ANXA4: variants seen among roughly 807,000 people sequenced by gnomAD.
ANXA4 encodes annexin A4.
ANXA4 carries 39 observed loss-of-function variants against 49.8 expected under a neutral mutation model. That is an observed-to-expected ratio of 0.78 (90% CI 0.61 to 1.02). The LOEUF is 1.02. Among genes scored for constraint, ANXA4 ranks in the 50% least tolerant of loss-of-function variants. The pLI, the probability that ANXA4 is intolerant of heterozygous loss-of-function variation, is 0.00. For synonymous variants in ANXA4, 134 were observed against 152.5 expected, an observed-to-expected ratio of 0.88 and a Z score of 0.89; for missense variants, 360 against 410.1, an observed-to-expected ratio of 0.88 and a Z score of 1.05.
chr2:69,818,416 A>T (rs1674092940), intron 9 of ANXA4, 183 bp from the exon 10 acceptor site: 2 of 387,718 alleles, frequency 5.2e-6, no homozygotes. Context: ...CTTCCTCCTT[A>T]TCTGGGGCCC....
chr2:69,802,508 C>T (rs1219105274), intron 3 of ANXA4, among the ~76,000 whole-genome samples: 1 of 151,988 alleles, frequency 6.6e-6, no homozygotes, highest in Non-Finnish European at 1.5e-5. Context: ...GTCAAAAGAT[C>T]GAGACCATTC....
chr2:69,665,500 G>A lies in ANXA4; in HGVS notation n.766+12218G>A, dbSNP rs551558672. Among the ~76,000 whole-genome samples, 7 of 152,284 alleles carry A rather than the reference G, an allele frequency of 4.6e-5. No homozygotes were observed. In the South Asian group the frequency reaches 1.0e-3, roughly 23 times the overall value. On this transcript the variant is annotated intron_variant and non_coding_transcript_variant, in intron 2 of 3. Transcript: ENST00000418066. Reference sequence around the variant, plus strand: ...GATTGTTTCAATCATCTGCCTGGGCGACAGAGTGAGACTCCACCCCAGAAT... The same window carrying A: ...GATTGTTTCAATCATCTGCCTGGGCAACAGAGTGAGACTCCACCCCAGAAT...
intron 2 of ANXA4, among the ~76,000 whole-genome samples, chr2:69,701,585 A>G (rs2105390097): frequency 6.6e-6 from 1 of 152,298 alleles, no homozygotes; most frequent in African/African-American, 2.4e-5. Flanking sequence ...GTATGGAGGT[A>G]TGTATTTTAA....
chr2:69,682,455 C>G (rs1171108487), intron 2 of ANXA4, among the ~76,000 whole-genome samples: 1 of 152,008 alleles, frequency 6.6e-6, no homozygotes, highest in Non-Finnish European at 1.5e-5. Flanking sequence ...TAAAGATACC[C>G]TTTTACATGT....
intron 1 of ANXA4, among the ~76,000 whole-genome samples, chr2:69,649,924 ATTTTTTTTTTTTTTT>A (rs35212855): frequency 5.8e-5 from 3 of 52,014 alleles, no homozygotes; most frequent in African/African-American, 3.1e-4. Context: ...GCCTGGCCTG[ATTTTTTTTTTTTTTT>A]TTTTTTTTTT....
At chr2:69,703,480 A>G (rs529798126) in intron 2 of ANXA4, among the ~76,000 whole-genome samples, 18 of 152,300 alleles carry the variant, frequency 1.2e-4, no homozygotes, top group Admixed American at 4.6e-4. Flanking sequence ...TGGATTCCCA[A>G]GACATTTCAT....
chr2:69,782,425 C>A (rs1672235432), intron 2 of ANXA4, among the ~76,000 whole-genome samples: 1 of 152,196 alleles, frequency 6.6e-6, no homozygotes, highest in African/African-American at 2.4e-5. Flanking sequence ...AAGGCTTATT[C>A]ATGTGTGCCC....
At chr2:69,740,120 C>A (rs1559127935), upstream of ANXA4, among the ~76,000 whole-genome samples, 1 of 152,192 alleles carries the variant, frequency 6.6e-6, no homozygotes, top group Non-Finnish European at 1.5e-5. Context: ...GATGCACCCA[C>A]CTAGTAAAGG....
chr2:69,812,323 A>G (rs72839864), intron 7 of ANXA4, among the ~76,000 whole-genome samples: 1 of 152,184 alleles, frequency 6.6e-6, no homozygotes, highest in Non-Finnish European at 1.5e-5. Context: ...TTAGGAAGGC[A>G]TGAGTCAGCT....
chr2:69,767,686 G>A (rs1347434596), intron 1 of ANXA4, among the ~76,000 whole-genome samples: 1 of 152,172 alleles, frequency 6.6e-6, no homozygotes, highest in African/African-American at 2.4e-5. Context: ...TTTGACCGGG[G>A]CCATCTGTCT....
At chr2:69,650,502 G>T (rs1559038818) in intron 1 of ANXA4, among the ~76,000 whole-genome samples, 1 of 151,766 alleles carries the variant, frequency 6.6e-6, no homozygotes. Flanking sequence ...TTGAGACAGG[G>T]TCTTGCTCTG....
intron 2 of ANXA4, among the ~76,000 whole-genome samples, chr2:69,692,288 G>A (rs1678003298): frequency 6.6e-6 from 1 of 152,204 alleles, no homozygotes; most frequent in African/African-American, 2.4e-5. Context: ...TGGGCATGAT[G>A]ATATGCATTA....
chr2:69,815,694 C>A, intron 8 of ANXA4: 1 of 189,974 alleles, frequency 5.3e-6, no homozygotes. Flanking sequence ...CTACCGGCTA[C>A]CTGTAGCCGC....
chr2:69,740,853 ATGTT>A (rs1404767576), upstream of ANXA4, among the ~76,000 whole-genome samples: 1 of 84,316 alleles, frequency 1.2e-5, no homozygotes. Context: ...GGCTATATAT[ATGTT>A]TTTTTTTTTT....
chr2:69,690,771 A>G (rs926625657), intron 2 of ANXA4, among the ~76,000 whole-genome samples: 2 of 152,214 alleles, frequency 1.3e-5, no homozygotes, highest in Non-Finnish European at 2.9e-5. Context: ...TACCCATCAC[A>G]TGCCATCTCT....
At chr2:69,739,555 G>C (rs532778211), upstream of ANXA4, among the ~76,000 whole-genome samples, 1 of 151,506 alleles carries the variant, frequency 6.6e-6, no homozygotes, top group African/African-American at 2.4e-5. Flanking sequence ...AGAGGCGTGC[G>C]TCACTAGGCT....
At chr2:69,723,044 A>T (rs1669858237) in intron 3 of ANXA4, among the ~76,000 whole-genome samples, 1 of 147,960 alleles carries the variant, frequency 6.8e-6, no homozygotes, top group Non-Finnish European at 1.5e-5. Context: ...TATATATATT[A>T]GCCGGGCATG....
chr2:69,690,517 G>A (rs1677927718), intron 2 of ANXA4, among the ~76,000 whole-genome samples: 1 of 152,180 alleles, frequency 6.6e-6, no homozygotes, highest in African/African-American at 2.4e-5. Flanking sequence ...GGGATTACAG[G>A]CATGAGCCAC....
At chr2:69,775,689 C>T (rs1671933500) in intron 1 of ANXA4, among the ~76,000 whole-genome samples, 1 of 152,194 alleles carries the variant, frequency 6.6e-6, no homozygotes, top group African/African-American at 2.4e-5. Flanking sequence ...TTCTAGCACT[C>T]ATGCTTCTTC....
Sources: allele counts gnomAD v4.1 joint callset (sites outside exome capture counted in the v4.1 genomes callset), GRCh38; gene constraint gnomAD v4.1.1; transcripts MANE v1.5; gene names NCBI Gene and HGNC (gene_info 2026-07-23, HGNC 2026-07-21).